The following BRCA2 variants were observed in gnomAD, a reference collection of about 807,000 sequenced individuals.
The protein encoded by BRCA2 is BRCA2 DNA repair associated.
In BRCA2, 203 loss-of-function variants were observed where a neutral mutation model predicts 276.7. The observed-to-expected ratio is 0.73, with a 90% CI of 0.65 to 0.82. The LOEUF is 0.82. BRCA2 is among the 40% of genes least tolerant of loss of function. The pLI, the probability that BRCA2 is intolerant of heterozygous loss-of-function variation, is 0.00. For synonymous variants in BRCA2, 1,289 were observed against 1,338.4 expected, an observed-to-expected ratio of 0.96 and a Z score of 0.81; for missense variants, 3,920 against 3,915.0, an observed-to-expected ratio of 1.00 and a Z score of -0.03.
rs1443304067 is a variant in BRCA2 at position 32,338,861 on chromosome 13, A to G, written c.4506A>G (p.Gln1502=). ...GTGTCCCAGTTGGTACTGGAAATCA[A>G]CTAGTGACCTTCCAGGGACAACCCG... ...KESVPVGTGN[Q]LVTFQGQPER... is the part of the protein sequence containing the mutation. The change falls in exon 11 of 27, where the codon CAA becomes CAG. Residue 1502 remains glutamine (Q), a synonymous_variant. Transcript: ENST00000380152. The G allele has an allele frequency of 1.9e-6, 3 of 1,613,994 alleles. No individual in the cohort carries two copies. The highest frequency in any genetic ancestry group is 2.2e-5 in the East Asian group (1 of 44,880).
rs1390034820 is a variant in BRCA2, at chr13:32,337,395, A to G, written c.3040A>G (p.Asn1014Asp). 2 of 1,613,840 alleles carry G rather than the reference A, an allele frequency of 1.2e-6. No individual in the cohort carries two copies. Among genetic ancestry groups the G allele is most frequent in the East Asian group, 2.2e-5 (1 of 44,822 alleles). ...TGGAGGTAGCTTCAGAACAGCTTCA[A>G]ATAAGGAAATCAAGCTCTCTGAACA... is the stretch of plus-strand genomic sequence containing the variant. ...SFGGSFRTASNKEIKLSEHNI... is the reference protein window; with the variant it reads ...SFGGSFRTASDKEIKLSEHNI... The change falls in exon 11 of 27, where the codon AAT (asparagine) becomes GAT (aspartate). Residue 1014 changes from asparagine (N) to aspartate (D), a missense_variant. Asn to Asp is a conservative substitution (Grantham distance 23). This residue lies in a region of BRCA2 where 3,263 missense variants were observed against 3,156.9 expected (regional missense o/e 1.03). Coordinates refer to ENST00000380152, the MANE Select transcript of BRCA2 (RefSeq NM_000059.4).
chr13:32,364,844 C>G lies in BRCA2; in HGVS notation c.8331+1311C>G, dbSNP rs760820811. On this transcript the variant is annotated intron_variant, in intron 18 of 26. Transcript: ENST00000380152. ...CTCATTTTCTATGTGTGCCATACAG[C>G]TCTCATTCTGTAAATTATTCTTACC... Among the ~76,000 whole-genome samples the G allele has an allele frequency of 3.3e-5, 5 of 152,260 alleles. No individual in the cohort carries two copies. The East Asian group carries it at 5.8e-4, about 18-fold the overall frequency.
At chr13:32,374,733 AG>A (rs1035268827) in intron 20 of BRCA2, among the ~76,000 whole-genome samples, 1 of 152,194 alleles carries the variant, frequency 6.6e-6, no homozygotes, top group Non-Finnish European at 1.5e-5. Flanking sequence ...ACAAGTCTCT[AG>A]GGAGTTCCAG....
intron 17 of BRCA2, 49 bp from the exon 18 acceptor site, chr13:32,363,130 A>C (rs762141629): frequency 1.4e-6 from 2 of 1,478,756 alleles, no homozygotes; most frequent in East Asian, 2.3e-5. Flanking sequence ...AAACAGTGGA[A>C]TTCTAGAGTC....
chr13:32,356,440 G>A lies in BRCA2; in HGVS notation c.7448G>A (p.Ser2483Asn), dbSNP rs80358967. The change falls in exon 15 of 27, where the codon AGT (serine) becomes AAT (asparagine). Residue 2483 changes from serine (S) to asparagine (N), a missense_variant. Ser to Asn is a conservative substitution (Grantham distance 46). Around this residue, in one of 2 missense-constraint regions of BRCA2, gnomAD observed 3,263 missense variants for 3,156.9 expected, o/e 1.03. Coordinates refer to ENST00000380152, the MANE Select transcript of BRCA2 (RefSeq NM_000059.4). ...TATTCTTTGATAGATTTAATTACAAGTCTTCAGAATGCCAGAGATATACAG... is the reference window on the plus strand; with the variant it reads ...TATTCTTTGATAGATTTAATTACAAATCTTCAGAATGCCAGAGATATACAG... ...CEEEPLDLIT[S>N]LQNARDIQDM... 2.0e-5 allele frequency: 32 copies of A among 1,613,254 alleles called. No homozygotes were observed. The highest frequency in any genetic ancestry group is 2.5e-5 in the Non-Finnish European group (30 of 1,179,328).
At position 32,370,484 on chromosome 13, in the gene BRCA2, T is replaced by C. The variant is rs397507983; in HGVS notation, c.8414T>C (p.Leu2805Ser). The C allele has an allele frequency of 1.2e-6, 2 of 1,613,770 alleles. No individual in the cohort carries two copies. The highest frequency in any genetic ancestry group is 1.7e-6 in the Non-Finnish European group (2 of 1,179,748). The change falls in exon 19 of 27, where the codon TTA (leucine) becomes TCA (serine). Residue 2805 changes from leucine (L) to serine (S), a missense_variant. Physicochemically the swap from Leu to Ser is moderately radical, Grantham distance 145. Around this residue, in one of 2 missense-constraint regions of BRCA2, gnomAD observed 657 missense variants for 758.2 expected, o/e 0.87. Coordinates refer to ENST00000380152, the MANE Select transcript of BRCA2 (RefSeq NM_000059.4). ...FPDPRPFPLP[L>S]SSLFSDGGNV... ...GACCCTAGACCTTTTCCTCTGCCCT[T>C]ATCATCGCTTTTCAGTGATGGAGGA...
intron 26 of BRCA2, 114 bp downstream of exon 26, chr13:32,397,158 G>A (rs2073042845): frequency 5.5e-6 from 7 of 1,268,052 alleles, no homozygotes; most frequent in Non-Finnish European, 6.7e-6. Flanking sequence ...ATTAGAAAAT[G>A]TGGTTGTTAT....
rs572511532 is a variant in BRCA2, at chr13:32,371,733, A to G, written c.8632+633A>G. ...AATCATTCACAGGCATACCTCAGAG[A>G]TACTGTGGATTTGATTCTAGACCAC... On this transcript the variant is annotated intron_variant, in intron 20 of 26. Transcript: ENST00000380152. Among the ~76,000 whole-genome samples the G allele has an allele frequency of 3.3e-5, 5 of 152,332 alleles. No individual in the cohort carries two copies. In the South Asian group the frequency reaches 1.0e-3, roughly 32 times the overall value.
chr13:32,363,380 T>C lies in BRCA2; in HGVS notation c.8178T>C (p.Tyr2726=), dbSNP rs761595544. 9 of 1,614,186 alleles carry C rather than the reference T, an allele frequency of 5.6e-6. No homozygotes were observed. The highest frequency in any genetic ancestry group is 1.7e-6 in the Non-Finnish European group (2 of 1,180,016). The change falls in exon 18 of 27, where the codon TAT becomes TAC. Residue 2726 remains tyrosine (Y), a synonymous_variant. Coordinates refer to ENST00000380152, the MANE Select transcript of BRCA2 (RefSeq NM_000059.4). ...TTATTGAACTTACAGATGGGTGGTATGCTGTTAAGGCCCAGTTAGATCCTC... is the reference window on the plus strand; with the variant it reads ...TTATTGAACTTACAGATGGGTGGTACGCTGTTAAGGCCCAGTTAGATCCTC... The part of the protein sequence containing the change: ...VAIIELTDGW[Y]AVKAQLDPPL...
intron 16 of BRCA2, among the ~76,000 whole-genome samples, chr13:32,360,585 C>G (rs1442855936): frequency 6.6e-6 from 1 of 152,122 alleles, no homozygotes; most frequent in Non-Finnish European, 1.5e-5. Context: ...GTCTCAAACT[C>G]CTGACCTCAG....
intron 13 of BRCA2, among the ~76,000 whole-genome samples, chr13:32,352,018 G>A (rs763609529): frequency 2.6e-5 from 4 of 152,108 alleles, no homozygotes; most frequent in Admixed American, 6.5e-5. Context: ...AGCCAGGATG[G>A]TCTGGATCTC....
At chr13:32,365,321 T>TA (rs1283844024) in intron 18 of BRCA2, among the ~76,000 whole-genome samples, 1 of 151,908 alleles carries the variant, frequency 6.6e-6, no homozygotes, top group African/African-American at 2.4e-5. Flanking sequence ...GTTTTTATCT[T>TA]CAGTCATTCA....
chr13:32,380,193 A>C (rs749284323), intron 24 of BRCA2, 48 bp downstream of exon 24: 10 of 1,555,874 alleles, frequency 6.4e-6, no homozygotes, highest in South Asian at 1.2e-5. Flanking sequence ...TTTAAAAAAC[A>C]TTGTCTTTTA....
intron 13 of BRCA2, among the ~76,000 whole-genome samples, chr13:32,351,898 T>C (rs767431029): frequency 1.3e-5 from 2 of 152,032 alleles, no homozygotes; most frequent in Non-Finnish European, 1.5e-5. Context: ...GCCTCCTAGG[T>C]TCAAGCGACT....
In BRCA2 at chr13:32,363,490, A is replaced by G. The variant is rs1566245842; in HGVS notation, c.8288A>G (p.Asp2763Gly). Residue 2763 changes from aspartate (D) to glycine (G), a missense_variant, in exon 18 of 27, where the codon GAT becomes GGT. Transcript: ENST00000380152. ...GGAGCAGAACTGGTGGGCTCTCCTG[A>G]TGCCTGTACACCTCTTGAAGCCCCA... ...LHGAELVGSPDACTPLEAPES... is the reference protein window; with the variant it reads ...LHGAELVGSPGACTPLEAPES... 6.2e-7 allele frequency: 1 copy of G among 1,614,110 alleles called. No homozygotes were observed. The highest frequency in any genetic ancestry group is 8.5e-7 in the Non-Finnish European group (1 of 1,179,998).
chr13:32,351,062 G>A (rs1228206590), intron 13 of BRCA2, among the ~76,000 whole-genome samples: 1 of 152,218 alleles, frequency 6.6e-6, no homozygotes, highest in Admixed American at 6.5e-5. Flanking sequence ...AGCAGGACGT[G>A]GGCGGGGCCA....
chr13:32,349,083 G>A (rs1182909669), intron 13 of BRCA2, among the ~76,000 whole-genome samples: 7 of 151,812 alleles, frequency 4.6e-5, no homozygotes, highest in African/African-American at 1.7e-4. Flanking sequence ...TTAGCCAGGC[G>A]TGGTGGCACA....
At chr13:32,325,993 A>G in intron 4 of BRCA2, 108 bp from the exon 5 acceptor site, 1 of 932,040 alleles carries the variant, frequency 1.1e-6, no homozygotes, top group Non-Finnish European at 1.7e-6. Context: ...ATCTAAAAGT[A>G]GTATTCCAAC....
At chr13:32,364,538 A>G (rs1016789967) in intron 18 of BRCA2, among the ~76,000 whole-genome samples, 1 of 152,106 alleles carries the variant, frequency 6.6e-6, no homozygotes, top group African/African-American at 2.4e-5. Flanking sequence ...CTAATACAGC[A>G]TGATTTTTAG....
Sources: allele counts gnomAD v4.1 joint callset (sites outside exome capture counted in the v4.1 genomes callset), GRCh38; gene constraint gnomAD v4.1.1; regional missense constraint gnomAD v4.1.1; transcripts MANE v1.5; gene names NCBI Gene and HGNC (gene_info 2026-07-23, HGNC 2026-07-21).